Variants in SUGCT observed in about 807,000 individuals in gnomAD.
SUGCT encodes the protein succinyl-CoA:glutarate-CoA transferase.
A neutral mutation model predicts 55.0 loss-of-function variants in SUGCT; 41 were observed. The observed-to-expected ratio is 0.74, with a 90% CI of 0.58 to 0.97. The LOEUF (loss-of-function observed/expected upper bound fraction) is 0.97, where lower values mean the gene tolerates loss of function less well. Ranked by LOEUF, SUGCT falls within the 50% of genes least tolerant of loss-of-function variation. The pLI, the probability that SUGCT is intolerant of heterozygous loss-of-function variation, is 0.00. For synonymous variants in SUGCT, 187 were observed against 200.4 expected, an observed-to-expected ratio of 0.93 and a Z score of 0.56; for missense variants, 568 against 547.8, an observed-to-expected ratio of 1.04 and a Z score of -0.37.
chr7:40,994,478 G>T, the SUGCT span, among the ~76,000 whole-genome samples: 2 of 152,068 alleles, frequency 1.3e-5, no homozygotes, highest in African/African-American at 4.8e-5. Context: ...AAAGTCCCAT[G>T]CCCCAAGTGT....
At chr7:40,910,515 GCAAA>G in the SUGCT span, among the ~76,000 whole-genome samples, 7 of 152,144 alleles carry the variant, frequency 4.6e-5, no homozygotes, top group Non-Finnish European at 7.3e-5. Context: ...GTGCTGCAGT[GCAAA>G]CAGAGAGGGG....
the SUGCT span, among the ~76,000 whole-genome samples, chr7:40,868,869 A>T: frequency 1.3e-5 from 2 of 152,154 alleles, no homozygotes; most frequent in African/African-American, 4.8e-5. Context: ...CTTGCTTTTT[A>T]AAAAATCTTT....
intron 10 of SUGCT, among the ~76,000 whole-genome samples, chr7:40,455,499 T>C (rs112216109): frequency 1.6e-3 from 241 of 152,264 alleles, no homozygotes; most frequent in African/African-American, 5.5e-3. Flanking sequence ...TGGAAAAATA[T>C]ACAAACACAA....
chr7:40,840,362 T>C (rs547275418), intron 13 of SUGCT, among the ~76,000 whole-genome samples: 10 of 151,498 alleles, frequency 6.6e-5, no homozygotes, highest in Non-Finnish European at 1.3e-4. Flanking sequence ...CACAAAATCA[T>C]AGAATATGTT....
intron 9 of SUGCT, among the ~76,000 whole-genome samples, chr7:40,421,005 G>A (rs1787279923): frequency 6.6e-6 from 1 of 151,852 alleles, no homozygotes; most frequent in South Asian, 2.1e-4. Context: ...TATTTCCCTC[G>A]ACCTACCCTG....
intron 12 of SUGCT, among the ~76,000 whole-genome samples, chr7:40,706,387 GT>G (rs2128666989): frequency 6.6e-6 from 1 of 152,206 alleles, no homozygotes; most frequent in East Asian, 1.9e-4. Context: ...CACACCTGTA[GT>G]CCCATCTACT....
intron 9 of SUGCT, among the ~76,000 whole-genome samples, chr7:40,403,099 A>G (rs1786171083): frequency 1.3e-5 from 2 of 151,980 alleles, no homozygotes; most frequent in Admixed American, 6.6e-5. Context: ...CTTTATTCTT[A>G]TATTTATTTT....
chr7:40,211,893 A>G (rs1346684479), intron 6 of SUGCT, among the ~76,000 whole-genome samples: 1 of 152,150 alleles, frequency 6.6e-6, no homozygotes, highest in Non-Finnish European at 1.5e-5. Flanking sequence ...CAAGACTCAC[A>G]TTCTTGGCTT....
intron 13 of SUGCT, among the ~76,000 whole-genome samples, chr7:40,851,077 T>A (rs979145779): frequency 6.6e-6 from 1 of 152,160 alleles, no homozygotes; most frequent in Non-Finnish European, 1.5e-5. Flanking sequence ...GAGGCACAGG[T>A]TCAGTAAGTA....
intron 13 of SUGCT, among the ~76,000 whole-genome samples, chr7:40,837,415 C>T (rs1473025121): frequency 6.6e-6 from 1 of 152,104 alleles, no homozygotes; most frequent in African/African-American, 2.4e-5. Context: ...TTTCACAGAA[C>T]AAATAGTTTC....
At chr7:41,036,787 A>C in the SUGCT span, among the ~76,000 whole-genome samples, 1 of 152,084 alleles carries the variant, frequency 6.6e-6, no homozygotes, top group Non-Finnish European at 1.5e-5. Context: ...GTGCTCTCAT[A>C]TCTCTCTCCA....
At chr7:40,509,964 A>C (rs1792833741) in intron 12 of SUGCT, among the ~76,000 whole-genome samples, 1 of 152,148 alleles carries the variant, frequency 6.6e-6, no homozygotes, top group South Asian at 2.1e-4. Context: ...TTTTTGAAAA[A>C]AGTTTTTTGA....
At chr7:40,296,280 A>T (rs1046270961) in intron 8 of SUGCT, among the ~76,000 whole-genome samples, 1 of 152,220 alleles carries the variant, frequency 6.6e-6, no homozygotes, top group African/African-American at 2.4e-5. Flanking sequence ...TGAAAAGACT[A>T]AAGTTAAATA....
intron 9 of SUGCT, among the ~76,000 whole-genome samples, chr7:40,340,805 C>T (rs1797002900): frequency 6.6e-6 from 1 of 152,126 alleles, no homozygotes; most frequent in African/African-American, 2.4e-5. Flanking sequence ...AATGAGACTG[C>T]TTGATGATCA....
chr7:40,990,128 A>G, the SUGCT span, among the ~76,000 whole-genome samples: 1 of 152,252 alleles, frequency 6.6e-6, no homozygotes, highest in Non-Finnish European at 1.5e-5. Context: ...GTCTTACAAA[A>G]TCATCTTCTT....
At chr7:40,181,836 C>A in intron 2 of SUGCT, 119 bp from the exon 3 acceptor site, 3 of 592,552 alleles carry the variant, frequency 5.1e-6, no homozygotes, top group Non-Finnish European at 5.9e-6. Context: ...ACAGTTTTAA[C>A]TGTTTTGATT....
chr7:40,195,163 TATTCTG>T, intron 6 of SUGCT, 103 bp downstream of exon 6: 2 of 1,302,126 alleles, frequency 1.5e-6, no homozygotes, highest in Non-Finnish European at 2.1e-6. Flanking sequence ...TTTTGGAAGT[TATTCTG>T]TTTTCCTTTT....
chr7:40,666,504 C>T (rs1165946828), intron 12 of SUGCT, among the ~76,000 whole-genome samples: 1 of 130,836 alleles, frequency 7.6e-6, no homozygotes, highest in African/African-American at 3.0e-5. Flanking sequence ...TTCCCAGGGA[C>T]TGGTAAACAA....
At chr7:40,917,734 G>A in the SUGCT span, among the ~76,000 whole-genome samples, 1 of 152,140 alleles carries the variant, frequency 6.6e-6, no homozygotes, top group African/African-American at 2.4e-5. Flanking sequence ...CCTTTGGCGA[G>A]GGCCCTCTTC....
Sources: gnomAD v4.1 joint callset for allele counts (sites outside exome capture counted in the v4.1 genomes callset) on GRCh38, gnomAD v4.1.1 for gene constraint, MANE v1.5 for transcripts, NCBI Gene and HGNC (gene_info 2026-07-23, HGNC 2026-07-21) for gene names.